DDX60L: variants seen among roughly 807,000 people sequenced by gnomAD.
DDX60L encodes DExD/H-box 60 like, also known as probable ATP-dependent RNA helicase DDX60-like.
A neutral mutation model predicts 211.6 loss-of-function variants in DDX60L; 191 were observed. The ratio of observed to expected loss-of-function variants is 0.90; its 90% confidence interval spans 0.80 to 1.02. The LOEUF (loss-of-function observed/expected upper bound fraction) is 1.02. Among genes scored for constraint, DDX60L ranks in the 50% least tolerant of loss-of-function variants. The probability of loss-of-function intolerance (pLI) is 0.00; values close to 1 mark genes in which losing one functional copy is unlikely to be tolerated. For missense variants in DDX60L, 2,007 were observed against 1,984.1 expected (o/e 1.01, Z -0.22); for synonymous variants, 706 against 694.1 (o/e 1.02, Z -0.27).
rs143264194 is a variant in DDX60L, at chr4:168,415,517, A to C, written c.2870T>G (p.Val957Gly). ...YKNQSYEVRLVLCGERYNDLE... is the reference protein window; with the variant it reads ...YKNQSYEVRLGLCGERYNDLE... ...ATCATTGTATCTCTCTCCACAGAGC[A>C]CTAGATACGAAGAGCAAGAATATCC... Residue 957 changes from valine (V) to glycine (G), a missense_variant and splice_region_variant, in exon 22 of 38, where the codon GTG becomes GGG. Transcript: ENST00000682922. 1.3e-6 allele frequency: 2 copies of C among 1,554,228 alleles called. No individual in the cohort carries two copies. Among genetic ancestry groups the C allele is most frequent in the Non-Finnish European group, 1.8e-6 (2 of 1,133,292 alleles).
chr4:168,389,441 C>T (rs1306691333), intron 29 of DDX60L, among the ~76,000 whole-genome samples: 1 of 152,098 alleles, frequency 6.6e-6, no homozygotes, highest in Non-Finnish European at 1.5e-5. Context: ...GTTCAGGGGT[C>T]TGTATTACCT....
chr4:168,360,324 A>G (rs1738893109), intron 37 of DDX60L, among the ~76,000 whole-genome samples: 1 of 152,202 alleles, frequency 6.6e-6, no homozygotes, highest in Non-Finnish European at 1.5e-5. Context: ...AGGCTACTCA[A>G]AGAGGTTGTA....
chr4:168,402,425 T>TA (rs1302320964), intron 25 of DDX60L, among the ~76,000 whole-genome samples: 188 of 143,044 alleles, frequency 1.3e-3, no homozygotes, highest in Middle Eastern at 7.4e-3. Flanking sequence ...GAGTCCAGTG[T>TA]AAAAAAAAAA....
chr4:168,402,773 A>G (rs1299215176), intron 25 of DDX60L, among the ~76,000 whole-genome samples: 2 of 152,148 alleles, frequency 1.3e-5, no homozygotes, highest in Non-Finnish European at 2.9e-5. Context: ...GCCTAAACCA[A>G]CTGTCATAGA....
intron 1 of DDX60L, among the ~76,000 whole-genome samples, chr4:168,476,636 G>A (rs1450406326): frequency 8.3e-6 from 1 of 120,602 alleles, no homozygotes; most frequent in Non-Finnish European, 1.7e-5. Flanking sequence ...CTTTCTTTTG[G>A]ATTCTGATGG....
intron 1 of DDX60L, among the ~76,000 whole-genome samples, chr4:168,474,222 G>A (rs1759192908): frequency 6.6e-6 from 1 of 152,208 alleles, no homozygotes; most frequent in Admixed American, 6.5e-5. Context: ...TGACATTTCA[G>A]ATGAGCCCTG....
rs1756044674 is a variant in DDX60L at position 168,453,198 on chromosome 4, G to A, written c.922C>T (p.Pro308Ser). 2 of 1,613,306 alleles carry A rather than the reference G, an allele frequency of 1.2e-6. No homozygotes were observed. Among genetic ancestry groups the A allele is most frequent in the Non-Finnish European group, 1.7e-6 (2 of 1,179,586 alleles). The stretch of plus-strand genomic sequence containing the variant: ...CGAGAACAAGCTCTCTGAGAAAGGG[G>A]TAAGTGGAGTTGAAAAGCCACACAG... Reference protein sequence around the residue: ...CLCVAFQLHLPLSQRACSRVI... With the variant: ...CLCVAFQLHLSLSQRACSRVI... The change falls in exon 8 of 38, where the codon CCC becomes TCC. Residue 308 changes from proline (P) to serine (S), a missense_variant. Coordinates refer to ENST00000682922, the MANE Select transcript of DDX60L (RefSeq NM_001012967.3).
chr4:168,406,786 T>A, intron 22 of DDX60L, 80 bp from the exon 23 acceptor site: 1 of 1,066,250 alleles, frequency 9.4e-7, no homozygotes, highest in Non-Finnish European at 1.4e-6. Context: ...CTTTCATGAC[T>A]AAACCCTCAA....
chr4:168,433,255 A>G (rs542877160), intron 10 of DDX60L, 140 bp from the exon 11 acceptor site: 1 of 590,792 alleles, frequency 1.7e-6, no homozygotes, highest in Non-Finnish European at 2.9e-6. Context: ...CTTCCAAATG[A>G]GATATTCCTC....
Position 168,384,789 on chromosome 4 carries a change from T to A in DDX60L, c.3939A>T (p.Arg1313Ser), listed in dbSNP as rs1441365071. 6.2e-7 allele frequency: 1 copy of A among 1,613,376 alleles called. No homozygotes were observed. Among genetic ancestry groups the A allele is most frequent in the South Asian group, 1.1e-5 (1 of 90,964 alleles). ...YRQMSGRAGR[R>S]GQDLLGNVYF... Reference sequence around the variant, plus strand: ...ACACATTTCCAAGCAGGTCTTGACCTCTTCTTCCAGCACGACCAGACATCT... The same window carrying A: ...ACACATTTCCAAGCAGGTCTTGACCACTTCTTCCAGCACGACCAGACATCT... The change falls in exon 30 of 38, where the codon AGA becomes AGT. Residue 1313 changes from arginine to serine, a missense_variant. Physicochemically the swap from Arg to Ser is moderately radical, Grantham distance 110. Transcript: ENST00000682922.
chr4:168,441,299 A>G, intron 10 of DDX60L, 38 bp downstream of exon 10: 2 of 1,539,332 alleles, frequency 1.3e-6, no homozygotes, highest in Non-Finnish European at 1.8e-6. Context: ...TTCAGGACAA[A>G]CATGCTTTTG....
chr4:168,379,781 G>A lies in DDX60L; in HGVS notation c.4166C>T (p.Ala1389Val). 1 of 1,613,120 alleles carries A rather than the reference G, an allele frequency of 6.2e-7. No individual in the cohort carries two copies. The highest frequency in any genetic ancestry group is 1.3e-5 in the African/African-American group (1 of 74,984). Residue 1389 changes from alanine to valine, a missense_variant, in exon 31 of 38, where the codon GCC becomes GTC. Ala to Val is a moderately conservative substitution (Grantham distance 64, BLOSUM62 0). Transcript: ENST00000682922. ...AAAGTAAAGTTTCAAAGTCTCCATG[G>A]CTCTTCGTCTCTTAAAAGACAGCAA... Reference protein sequence around the residue: ...HSLLSFKRRRAMETLKLYFLF... With the variant: ...HSLLSFKRRRVMETLKLYFLF...
At chr4:168,404,623 A>G (rs191469831) in intron 24 of DDX60L, among the ~76,000 whole-genome samples, 9 of 152,286 alleles carry the variant, frequency 5.9e-5, no homozygotes, top group Non-Finnish European at 1.3e-4. Flanking sequence ...ACAAAATACA[A>G]TGGCCAATAG....
chr4:168,466,121 T>C (rs574949300), intron 4 of DDX60L, among the ~76,000 whole-genome samples: 1 of 151,930 alleles, frequency 6.6e-6, no homozygotes, highest in East Asian at 1.9e-4. Flanking sequence ...ATAAAAAAGA[T>C]CTTAGCTTAA....
Position 168,454,758 on chromosome 4 carries a change from C to CTTTTTTTTT in DDX60L, c.837+1272_837+1280dup, listed in dbSNP as rs767461447. ...GTGCTCCCGAAGAGTAAACAGCTTCCTTTTTTTTTTTTTTTTTTTTTAGCA... is the reference window on the plus strand; with the variant it reads ...GTGCTCCCGAAGAGTAAACAGCTTCCTTTTTTTTTTTTTTTTTTTTTTTTTTTTTTAGCA... On this transcript the variant is annotated intron_variant, in intron 7 of 37. Transcript: ENST00000682922. Among the ~76,000 whole-genome samples the CTTTTTTTTT allele has an allele frequency of 3.7e-3, 331 of 88,612 alleles. 44 individuals carry two copies. The highest frequency in any genetic ancestry group is 0.014 in the African/African-American group (299 of 20,664). The allele number at this position is 88,612 out of a possible 152,430, so 58.1% of individuals were successfully genotyped here.
At chr4:168,478,023 T>C (rs923572981) in intron 1 of DDX60L, among the ~76,000 whole-genome samples, 12 of 151,166 alleles carry the variant, frequency 7.9e-5, no homozygotes, top group African/African-American at 4.9e-5. Context: ...AGGCCAAGAG[T>C]TGGAGACCAA....
At position 168,375,309 on chromosome 4, in the gene DDX60L, C is replaced by T. The variant is rs1456982099; in HGVS notation, c.4633+68G>A. ...TACCAGCTTTGAAGCATCCAATATCCAGAGGCTTTCTTAACCAAGATTGTT... is the reference window on the plus strand; with the variant it reads ...TACCAGCTTTGAAGCATCCAATATCTAGAGGCTTTCTTAACCAAGATTGTT... On this transcript the variant is annotated intron_variant, in intron 34 of 37. Coordinates refer to ENST00000682922, the MANE Select transcript of DDX60L (RefSeq NM_001012967.3). 4 of 1,511,066 alleles carry T rather than the reference C, an allele frequency of 2.6e-6. No individual in the cohort carries two copies. In the African/African-American group the frequency reaches 5.5e-5, roughly 21 times the overall value. 93.6% of individuals were successfully genotyped at this position (1,511,066 alleles called of 1,614,324 possible). A position where few individuals can be genotyped will look rare whatever the true frequency, so the allele number is the denominator to read the frequency against.
intron 28 of DDX60L, among the ~76,000 whole-genome samples, chr4:168,391,890 G>A (rs1021725802): frequency 1.3e-5 from 2 of 152,050 alleles, no homozygotes; most frequent in Non-Finnish European, 2.9e-5. Context: ...TCCATTTGCA[G>A]GCTTTTTCTG....
intron 26 of DDX60L, 40 bp downstream of exon 26, chr4:168,400,786 C>G: frequency 6.5e-7 from 1 of 1,547,432 alleles, no homozygotes; most frequent in South Asian, 1.2e-5. Flanking sequence ...ATATTTTAGT[C>G]TTCAGGGGCC....
Sources: gnomAD v4.1 joint callset for allele counts (sites outside exome capture counted in the v4.1 genomes callset) on GRCh38, gnomAD v4.1.1 for gene constraint, MANE v1.5 for transcripts, NCBI Gene and HGNC (gene_info 2026-07-23, HGNC 2026-07-21) for gene names.